The following PAK5 variants were observed in gnomAD, a reference collection of about 807,000 sequenced individuals.
PAK5 encodes the protein serine/threonine-protein kinase PAK 5.
PAK5 carries 16 observed loss-of-function variants against 65.9 expected under a neutral mutation model. The ratio of observed to expected loss-of-function variants is 0.24; its 90% confidence interval spans 0.16 to 0.37. The LOEUF (loss-of-function observed/expected upper bound fraction) is 0.37, where lower values mean the gene tolerates loss of function less well. PAK5 is among the 10% of genes least tolerant of loss of function. PAK5 has a pLI of 1.00. For missense variants in PAK5, 785 were observed against 903.9 expected, an observed-to-expected ratio of 0.87 and a Z score of 1.69; for synonymous variants, 371 against 354.9, an observed-to-expected ratio of 1.05 and a Z score of -0.51.
rs1979321106 is a variant in PAK5 at position 9,838,308 on chromosome 20, G to A, written c.-162+454C>T. Among the ~76,000 whole-genome samples, 1 of 152,110 alleles carries A rather than the reference G, an allele frequency of 6.6e-6. No individual in the cohort carries two copies. The highest frequency in any genetic ancestry group is 2.4e-5 in the African/African-American group (1 of 41,424). On this transcript the variant is annotated intron_variant, in intron 1 of 9. Coordinates refer to ENST00000353224, the MANE Select transcript of PAK5 (RefSeq NM_177990.4). The surrounding 1 kb of genome is among the most constrained non-coding windows in gnomAD (Gnocchi z 4.5). ...CTGCCAAAAGACAAAAACCATGCGG[G>A]AATCCTGCTCTGGCAATATGTCCAA...
At chr20:9,800,916 G>A (rs374209035) in intron 1 of PAK5, among the ~76,000 whole-genome samples, 5 of 151,726 alleles carry the variant, frequency 3.3e-5, no homozygotes, top group Admixed American at 6.6e-5. Context: ...AGACACCACC[G>A]AGAGCTAACT....
intron 1 of PAK5, among the ~76,000 whole-genome samples, chr20:9,717,744 C>T (rs901816464): frequency 1.1e-4 from 17 of 152,156 alleles, no homozygotes; most frequent in Admixed American, 1.1e-3. Flanking sequence ...CTCAGCCTCC[C>T]GAGTGGCTGG....
In PAK5 at chr20:9,562,995, G is replaced by T; in HGVS notation, c.1512C>A (p.Asp504Glu). Residue 504 changes from aspartate to glutamate, a missense_variant, in exon 6 of 10, where the codon GAC becomes GAA. By Grantham distance (45) the Asp-to-Glu change is conservative. Coordinates refer to ENST00000353224, the MANE Select transcript of PAK5 (RefSeq NM_177990.4). ...AGCTGCTGTACATGTCAACCACATT[G>T]TCATGGTGGTAATCCCGCATGATCA... ...EVVIMRDYHH[D>E]NVVDMYSSYL... 3 of 1,613,112 alleles carry T rather than the reference G, an allele frequency of 1.9e-6. No individual in the cohort carries two copies. The highest frequency in any genetic ancestry group is 2.5e-6 in the Non-Finnish European group (3 of 1,179,226).
At chr20:9,708,171 C>T (rs2048032116) in intron 2 of PAK5, among the ~76,000 whole-genome samples, 1 of 152,082 alleles carries the variant, frequency 6.6e-6, no homozygotes, top group South Asian at 2.1e-4. Flanking sequence ...AGATGAGTGT[C>T]AGAAAAATGT....
At chr20:9,693,882 A>G (rs891151163) in intron 2 of PAK5, among the ~76,000 whole-genome samples, 5 of 152,142 alleles carry the variant, frequency 3.3e-5, no homozygotes, top group African/African-American at 1.2e-4. Context: ...AATGTAAATA[A>G]TTGGATATCA....
At chr20:9,560,307 C>A (rs189690422) in intron 6 of PAK5, among the ~76,000 whole-genome samples, 108 of 152,262 alleles carry the variant, frequency 7.1e-4, no homozygotes, top group Non-Finnish European at 2.8e-4. Flanking sequence ...TCTAGAGTAA[C>A]CTCAAATTCA....
chr20:9,560,582 G>A (rs999755838), intron 6 of PAK5, among the ~76,000 whole-genome samples: 5 of 152,110 alleles, frequency 3.3e-5, no homozygotes, highest in Admixed American at 1.3e-4. Flanking sequence ...GGCCGGTCTC[G>A]AACTCCTGTG....
intron 1 of PAK5, among the ~76,000 whole-genome samples, chr20:9,808,337 A>G (rs1175419857): frequency 1.3e-5 from 2 of 152,190 alleles, no homozygotes; most frequent in Non-Finnish European, 2.9e-5. Flanking sequence ...TTCTTTGAAA[A>G]CAGTTTGGCC....
At chr20:9,746,966 G>T (rs1225347019) in intron 1 of PAK5, among the ~76,000 whole-genome samples, 1 of 151,798 alleles carries the variant, frequency 6.6e-6, no homozygotes, top group Non-Finnish European at 1.5e-5. Flanking sequence ...AAAGAGAGAA[G>T]AATCAAATAG....
At chr20:9,618,069 A>G (rs2046693606) in intron 3 of PAK5, among the ~76,000 whole-genome samples, 1 of 152,212 alleles carries the variant, frequency 6.6e-6, no homozygotes, top group Non-Finnish European at 1.5e-5. Flanking sequence ...TATTAGTATA[A>G]GGAAAAATAA....
chr20:9,548,741 A>G (rs998366030), intron 7 of PAK5, among the ~76,000 whole-genome samples: 2 of 152,256 alleles, frequency 1.3e-5, no homozygotes, highest in Admixed American at 1.3e-4. Context: ...TTCTGAAAAC[A>G]TCTGAAGCAC....
chr20:9,655,634 A>G (rs1158573534), intron 2 of PAK5, among the ~76,000 whole-genome samples: 1 of 152,174 alleles, frequency 6.6e-6, no homozygotes, highest in Non-Finnish European at 1.5e-5. Context: ...GAACTCTGCT[A>G]GATGTATCTA....
intron 3 of PAK5, among the ~76,000 whole-genome samples, chr20:9,639,831 T>C (rs969033684): frequency 1.3e-5 from 2 of 152,204 alleles, no homozygotes; most frequent in South Asian, 4.1e-4. Context: ...CCAGCCCACC[T>C]AGGAAATGGA....
At chr20:9,691,159 T>C (rs1308579690) in intron 2 of PAK5, among the ~76,000 whole-genome samples, 1 of 152,218 alleles carries the variant, frequency 6.6e-6, no homozygotes, top group Admixed American at 6.5e-5. Context: ...AGCTGCCTGC[T>C]AGTTTCCTAG....
At chr20:9,544,291 G>T in intron 8 of PAK5, 78 bp downstream of exon 8, 2 of 1,486,028 alleles carry the variant, frequency 1.3e-6, no homozygotes, top group Non-Finnish European at 1.9e-6. Context: ...ATCTCCTGTG[G>T]TCACCAACTA....
intron 1 of PAK5, among the ~76,000 whole-genome samples, chr20:9,789,886 G>C (rs2049031811): frequency 6.6e-6 from 1 of 152,118 alleles, no homozygotes; most frequent in Non-Finnish European, 1.5e-5. Context: ...AAATGAAGTG[G>C]CTCATTTTCC....
intron 1 of PAK5, among the ~76,000 whole-genome samples, chr20:9,781,955 C>G (rs1698846691): frequency 1.3e-5 from 2 of 152,154 alleles, no homozygotes; most frequent in Non-Finnish European, 1.5e-5. Context: ...TTAAGTGAAT[C>G]AAGTCATTTC....
intron 3 of PAK5, among the ~76,000 whole-genome samples, chr20:9,632,031 A>G (rs2046928541): frequency 6.6e-6 from 1 of 152,224 alleles, no homozygotes; most frequent in Admixed American, 6.5e-5. Flanking sequence ...AGATAAAATT[A>G]AATCTTTCAA....
chr20:9,751,589 A>G (rs1416023413), intron 1 of PAK5, among the ~76,000 whole-genome samples: 1 of 152,194 alleles, frequency 6.6e-6, no homozygotes, highest in Non-Finnish European at 1.5e-5. Context: ...TTTATCTAGC[A>G]AAGACCCCTT....
Sources: gnomAD v4.1 joint callset for allele counts (sites outside exome capture counted in the v4.1 genomes callset) on GRCh38, gnomAD v4.1.1 for gene constraint, Gnocchi (gnomAD v3.1) non-coding constraint, MANE v1.5 for transcripts, NCBI Gene and HGNC (gene_info 2026-07-23, HGNC 2026-07-21) for gene names.